The following DPPA4 variants were observed in gnomAD, a reference collection of about 807,000 sequenced individuals.
The protein encoded by DPPA4 is developmental pluripotency associated 4.
Under a neutral mutation model 33.7 loss-of-function variants are expected in DPPA4, and 22 were observed. That is an observed-to-expected ratio of 0.65 (90% CI 0.47 to 0.93). DPPA4 has a LOEUF of 0.93. Among genes scored for constraint, DPPA4 ranks in the 40% least tolerant of loss-of-function variants. The pLI is 0.00. For missense variants in DPPA4, 340 were observed against 358.6 expected (o/e 0.95, Z 0.42); for synonymous variants, 156 against 132.3 (o/e 1.18, Z -1.23).
intron 2 of DPPA4, 108 bp from the exon 3 acceptor site, chr3:109,332,139 G>T: frequency 9.8e-7 from 1 of 1,025,160 alleles, no homozygotes; most frequent in Non-Finnish European, 1.4e-6. Context: ...ATCTTGCTCT[G>T]TCGCCCGGCT....
At chr3:109,337,205 T>C (rs931628190) in intron 1 of DPPA4, among the ~76,000 whole-genome samples, 2 of 151,460 alleles carry the variant, frequency 1.3e-5, no homozygotes, top group African/African-American at 4.9e-5. Flanking sequence ...CGGCCTCTTT[T>C]TTTTTTTTCC....
chr3:109,331,280 AAAAAG>A (rs1434684309), intron 4 of DPPA4, among the ~76,000 whole-genome samples: 32 of 147,238 alleles, frequency 2.2e-4, no homozygotes, highest in African/African-American at 6.7e-4. Context: ...AAAAAAAAAA[AAAAAG>A]AAAGAAAAGA....
intron 2 of DPPA4, 45 bp from the exon 3 acceptor site, chr3:109,332,076 G>A (rs1429059400): frequency 2.1e-5 from 31 of 1,468,690 alleles, no homozygotes; most frequent in African/African-American, 2.8e-5. Context: ...TCTTTGTGTA[G>A]CTTTTCTGAA....
chr3:109,331,857 G>T lies in DPPA4; in HGVS notation c.339+14C>A. Reference sequence around the variant, plus strand: ...CTTCCTCCCAGCAGCACCGTCCCCAGCCTGGGACCTCACCTGGCCTTTGGA... The same window carrying T: ...CTTCCTCCCAGCAGCACCGTCCCCATCCTGGGACCTCACCTGGCCTTTGGA... On this transcript the variant is annotated intron_variant, in intron 3 of 6. Transcript: ENST00000335658. The T allele has an allele frequency of 6.2e-7, 1 of 1,613,658 alleles. No homozygotes were observed. The highest frequency in any genetic ancestry group is 8.5e-7 in the Non-Finnish European group (1 of 1,179,622).
chr3:109,329,900 A>G (rs1033276657), intron 5 of DPPA4: 1 of 152,784 alleles, frequency 6.5e-6, no homozygotes, highest in Non-Finnish European at 1.5e-5. Context: ...GTAAAGAAAG[A>G]AAACCAGACT....
intron 1 of DPPA4, 118 bp from the exon 2 acceptor site, chr3:109,334,111 T>C: frequency 9.3e-7 from 1 of 1,072,422 alleles, no homozygotes; most frequent in African/African-American, 1.6e-5. Context: ...CCACTGGCAG[T>C]GTGGATTCTC....
At position 109,326,424 on chromosome 3, in the gene DPPA4, G is replaced by A. The variant is rs1707935936; in HGVS notation, c.*1564C>T. 1 of 151,962 alleles carries A rather than the reference G, an allele frequency of 6.6e-6. No homozygotes were observed. The highest frequency in any genetic ancestry group is 2.4e-5 in the African/African-American group (1 of 41,356). 9.4% of individuals were successfully genotyped at this position (151,962 alleles called of 1,614,324 possible). ...CAACAACCAACGGCGGGGGCGGGCA[G>A]GAGAGAAGAACATCTTGCTTCTCAA... is the stretch of plus-strand genomic sequence containing the variant. On this transcript the variant is annotated 3_prime_UTR_variant, in exon 7 of 7. Coordinates refer to ENST00000335658, the MANE Select transcript of DPPA4 (RefSeq NM_018189.4).
chr3:109,333,756 A>ACAATACATGAT (rs1708135370), intron 2 of DPPA4, 114 bp downstream of exon 2: 13 of 1,285,618 alleles, frequency 1.0e-5, no homozygotes, highest in Non-Finnish European at 1.2e-5. Flanking sequence ...CATGAAGTGC[A>ACAATACATGAT]GGATTTGCAC....
chr3:109,330,498 G>A, intron 5 of DPPA4, 26 bp downstream of exon 5: 1 of 1,611,998 alleles, frequency 6.2e-7, no homozygotes, highest in Admixed American at 1.7e-5. Flanking sequence ...CATTGGACCA[G>A]AATAAGCTCT....
At position 109,326,197 on chromosome 3, in the gene DPPA4, A is replaced by C. The variant is rs946346848; in HGVS notation, c.*1791T>G. 9 of 150,348 alleles carry C rather than the reference A, an allele frequency of 6.0e-5. No individual in the cohort carries two copies. The highest frequency in any genetic ancestry group is 1.3e-4 in the Non-Finnish European group (9 of 68,034). 9.3% of individuals were successfully genotyped at this position (150,348 alleles called of 1,614,324 possible). A position where few individuals can be genotyped will look rare whatever the true frequency, so the allele number is the denominator to read the frequency against. Reference sequence around the variant, plus strand: ...TATAGAGAAATTTAAGTTTATTGAAATGTGTTAGAAGCAGGGGAAGTATCT... The same window carrying C: ...TATAGAGAAATTTAAGTTTATTGAACTGTGTTAGAAGCAGGGGAAGTATCT... On this transcript the variant is annotated 3_prime_UTR_variant, in exon 7 of 7. Transcript: ENST00000335658.
intron 5 of DPPA4, 79 bp from the exon 6 acceptor site, chr3:109,329,167 ACCCT>A: frequency 7.9e-7 from 1 of 1,272,302 alleles, no homozygotes; most frequent in Non-Finnish European, 1.1e-6. Context: ...ATGGCCCATC[ACCCT>A]TGATTGACCA....
chr3:109,330,420 G>C, intron 5 of DPPA4, 104 bp downstream of exon 5: 1 of 1,305,254 alleles, frequency 7.7e-7, no homozygotes, highest in Non-Finnish European at 1.1e-6. Flanking sequence ...AGGAATCACC[G>C]GCCCTCAAAG....
At chr3:109,336,577 A>AG (rs1708217572) in intron 1 of DPPA4, 1 of 152,210 alleles carries the variant, frequency 6.6e-6, no homozygotes, top group African/African-American at 2.4e-5. Context: ...AAGGAAATTA[A>AG]GGGGTTTCAT....
Position 109,330,667 on chromosome 3 carries a change from A to G in DPPA4, c.536T>C (p.Leu179Pro), listed in dbSNP as rs775717386. ...ALPPVGEPPA[L>P]ENSTALLEGV... ...CTCAAGGAGAGCAGTGGAATTTTCC[A>G]GGGCAGGCGGCTCCCCCACAGGAGG... The change falls in exon 5 of 7, where the codon CTG becomes CCG. Residue 179 changes from leucine (L) to proline (P), a missense_variant. Around this residue, in one of 3 missense-constraint regions of DPPA4, gnomAD observed 212 missense variants for 206.5 expected, o/e 1.03. Coordinates refer to ENST00000335658, the MANE Select transcript of DPPA4 (RefSeq NM_018189.4). 1.9e-6 allele frequency: 3 copies of G among 1,614,070 alleles called. No homozygotes were observed. The highest frequency in any genetic ancestry group is 2.5e-6 in the Non-Finnish European group (3 of 1,180,040).
chr3:109,334,892 C>G (rs73850915), intron 1 of DPPA4, among the ~76,000 whole-genome samples: 7 of 152,298 alleles, frequency 4.6e-5, no homozygotes, highest in African/African-American at 1.7e-4. Context: ...TTAAAAGTCT[C>G]ACCTCAAGTG....
At position 109,331,973 on chromosome 3, in the gene DPPA4, T is replaced by C. The variant is rs781380561; in HGVS notation, c.237A>G (p.Ile79Met). ...HTDNPRPQKK[I>M]PIPPLPSKLP... ...GTTTAGAAGGTAATGGAGGGATTGG[T>C]ATCTTCTTCTGAGGTCTGGGGTTGT... is the stretch of plus-strand genomic sequence containing the variant. The change falls in exon 3 of 7, where the codon ATA becomes ATG. Residue 79 changes from isoleucine (I) to methionine (M), a missense_variant. Ile to Met is a conservative substitution (Grantham distance 10, BLOSUM62 1). This residue lies in a region of DPPA4 where 96 missense variants were observed against 91.8 expected (regional missense o/e 1.05). Transcript: ENST00000335658. 3 of 1,614,154 alleles carry C rather than the reference T, an allele frequency of 1.9e-6. No homozygotes were observed. Among genetic ancestry groups the C allele is most frequent in the Admixed American group, 1.7e-5 (1 of 60,018 alleles).
At chr3:109,333,491 C>A (rs943859988) in intron 2 of DPPA4, 6 of 199,998 alleles carry the variant, frequency 3.0e-5, no homozygotes, top group African/African-American at 1.4e-4. Context: ...TCCATTCCCA[C>A]CGCTTAATAA....
At chr3:109,333,101 GGAGGCCAAGGCAGACGATCACTT>G (rs1396607114) in intron 2 of DPPA4, among the ~76,000 whole-genome samples, 3 of 152,104 alleles carry the variant, frequency 2.0e-5, no homozygotes, top group African/African-American at 7.2e-5. Flanking sequence ...CAGCACTTTA[GGAGGCCAAGGCAGACGATCACTT>G]GAGGCCAAGA....
chr3:109,333,264 C>G (rs1708119544), intron 2 of DPPA4: 1 of 148,838 alleles, frequency 6.7e-6, no homozygotes, highest in Non-Finnish European at 1.5e-5. Context: ...ATTGCTTGAA[C>G]TCGGGAGGCA....
Sources: gnomAD v4.1 joint callset for allele counts (sites outside exome capture counted in the v4.1 genomes callset) on GRCh38, gnomAD v4.1.1 for gene constraint, gnomAD v4.1.1 regional missense constraint, MANE v1.5 for transcripts, NCBI Gene and HGNC (gene_info 2026-07-23, HGNC 2026-07-21) for gene names.